WDR41: variants seen among roughly 807,000 people sequenced by gnomAD.
WDR41 encodes WD repeat domain 41.
In WDR41, 63 loss-of-function variants were observed where a neutral mutation model predicts 69.3. That is an observed-to-expected ratio of 0.91 (90% CI 0.74 to 1.12). The LOEUF (loss-of-function observed/expected upper bound fraction) is 1.12, where lower values mean the gene tolerates loss of function less well. Ranked by LOEUF, WDR41 falls within the 50% of genes most tolerant of loss-of-function variation. The pLI is 0.00. For missense variants in WDR41, 543 were observed against 534.5 expected (o/e 1.02, Z -0.16); for synonymous variants, 185 against 192.1 (o/e 0.96, Z 0.31).
At chr5:77,433,510 T>G (rs752402944) in intron 12 of WDR41, among the ~76,000 whole-genome samples, 5 of 152,252 alleles carry the variant, frequency 3.3e-5, no homozygotes, top group Non-Finnish European at 5.9e-5. Flanking sequence ...TAGCTATTTT[T>G]GTAAAGTACA....
At chr5:77,491,840 G>A (rs915150740) in intron 1 of WDR41, 8 of 358,926 alleles carry the variant, frequency 2.2e-5, no homozygotes, top group Non-Finnish European at 4.0e-5. Context: ...GATAGTTTCG[G>A]TAGCCAGAAG....
intron 1 of WDR41, among the ~76,000 whole-genome samples, chr5:77,506,879 G>T (rs1443589339): frequency 1.3e-5 from 2 of 151,974 alleles, no homozygotes; most frequent in South Asian, 2.1e-4. Flanking sequence ...ACACACTGGG[G>T]CCTGTAGGGG....
intron 1 of WDR41, among the ~76,000 whole-genome samples, chr5:77,612,068 T>C (rs1267592153): frequency 2.0e-5 from 3 of 152,142 alleles, no homozygotes; most frequent in African/African-American, 7.2e-5. Flanking sequence ...CCTCGACATA[T>C]ACACCCTCCC....
intron 1 of WDR41, among the ~76,000 whole-genome samples, chr5:77,498,823 A>G (rs1801972961): frequency 1.3e-5 from 2 of 151,330 alleles, no homozygotes; most frequent in South Asian, 2.1e-4. Context: ...CATCAAAAAA[A>G]AAAAAAGAAA....
intron 1 of WDR41, among the ~76,000 whole-genome samples, chr5:77,501,972 A>T (rs1802023697): frequency 6.6e-6 from 1 of 152,140 alleles, no homozygotes; most frequent in South Asian, 2.1e-4. Context: ...CCTCTTCTCC[A>T]TCACAGCTCC....
chr5:77,561,309 G>A (rs995716579), intron 1 of WDR41, among the ~76,000 whole-genome samples: 1 of 152,060 alleles, frequency 6.6e-6, no homozygotes, highest in Admixed American at 6.6e-5. Context: ...TGAAGCACAG[G>A]AATTTTCCAA....
intron 1 of WDR41, chr5:77,546,181 A>G (rs1197902423): frequency 1.6e-5 from 7 of 439,806 alleles, no homozygotes; most frequent in South Asian, 1.1e-4. Context: ...AAGTCTCCCT[A>G]TAAGTAATTC....
intron 1 of WDR41, among the ~76,000 whole-genome samples, chr5:77,530,584 A>G (rs1802512921): frequency 6.6e-6 from 1 of 151,742 alleles, no homozygotes; most frequent in Non-Finnish European, 1.5e-5. Context: ...GTGGAAAAAA[A>G]CTTCCTCTAC....
chr5:77,454,864 A>C (rs943382572), intron 5 of WDR41, among the ~76,000 whole-genome samples: 24 of 152,252 alleles, frequency 1.6e-4, no homozygotes, highest in African/African-American at 5.5e-4. Context: ...TTTTATTGCC[A>C]AATAGTATTC....
intron 1 of WDR41, among the ~76,000 whole-genome samples, chr5:77,535,755 C>G (rs188848154): frequency 2.0e-5 from 3 of 152,090 alleles, no homozygotes; most frequent in African/African-American, 7.2e-5. Flanking sequence ...GATGACAAGA[C>G]GAAATTGCCT....
At chr5:77,466,568 T>A (rs898301758) in intron 2 of WDR41, among the ~76,000 whole-genome samples, 1 of 151,974 alleles carries the variant, frequency 6.6e-6, no homozygotes, top group Non-Finnish European at 1.5e-5. Flanking sequence ...TGTTTTATCA[T>A]GTTTGACTTT....
At chr5:77,582,032 A>AG in intron 1 of WDR41, among the ~76,000 whole-genome samples, 1 of 152,218 alleles carries the variant, frequency 6.6e-6, no homozygotes, top group South Asian at 2.1e-4. Context: ...AATTAGAGAA[A>AG]AAATCAATGA....
intron 1 of WDR41, among the ~76,000 whole-genome samples, chr5:77,504,186 T>G (rs184000171): frequency 4.0e-5 from 6 of 150,646 alleles, no homozygotes; most frequent in Non-Finnish European, 7.4e-5. Flanking sequence ...TAAAAAATGA[T>G]AAAGGGGATA....
At chr5:77,457,965 AAC>A in intron 5 of WDR41, among the ~76,000 whole-genome samples, 1 of 152,254 alleles carries the variant, frequency 6.6e-6, no homozygotes, top group South Asian at 2.1e-4. Context: ...ACCAGTTCAT[AAC>A]ACAGTTTACC....
intron 1 of WDR41, among the ~76,000 whole-genome samples, chr5:77,538,731 C>T (rs1743033375): frequency 1.3e-5 from 2 of 152,128 alleles, no homozygotes; most frequent in Admixed American, 6.5e-5. Context: ...GCATTCCATG[C>T]TAAGAAGCTG....
intron 1 of WDR41, among the ~76,000 whole-genome samples, chr5:77,599,343 G>A (rs1190579002): frequency 6.6e-6 from 1 of 151,664 alleles, no homozygotes; most frequent in East Asian, 1.9e-4. Flanking sequence ...TGGGATTAAA[G>A]GCATCTGCCA....
At chr5:77,609,420 C>A (rs1226296466) in intron 1 of WDR41, among the ~76,000 whole-genome samples, 1 of 152,208 alleles carries the variant, frequency 6.6e-6, no homozygotes, top group East Asian at 1.9e-4. Context: ...TAGGGGCAGA[C>A]TGACACCTCA....
chr5:77,552,708 C>T (rs1036473639), intron 1 of WDR41, among the ~76,000 whole-genome samples: 3 of 152,066 alleles, frequency 2.0e-5, no homozygotes, highest in African/African-American at 7.2e-5. Context: ...CATGAATCAA[C>T]GGAGCAGCAC....
At chr5:77,492,970 A>G (rs548448499), upstream of WDR41, among the ~76,000 whole-genome samples, 9 of 152,232 alleles carry the variant, frequency 5.9e-5, no homozygotes, top group Non-Finnish European at 8.8e-5. Context: ...CTATATTAAC[A>G]TAGAATCTCC....
Sources: allele counts gnomAD v4.1 joint callset (sites outside exome capture counted in the v4.1 genomes callset), GRCh38; gene constraint gnomAD v4.1.1; transcripts MANE v1.5; gene names NCBI Gene and HGNC (gene_info 2026-07-23, HGNC 2026-07-21).